GRID1: variants seen among roughly 807,000 people sequenced by gnomAD.
The protein encoded by GRID1 is glutamate ionotropic receptor delta type subunit 1.
A neutral mutation model predicts 98.0 loss-of-function variants in GRID1; 28 were observed. That is an observed-to-expected ratio of 0.29 (90% CI 0.21 to 0.39). GRID1 has a LOEUF of 0.39. Ranked by LOEUF, GRID1 falls within the 10% of genes least tolerant of loss-of-function variation. The pLI is 1.00. For missense variants in GRID1, 1,111 were observed against 1,340.5 expected (o/e 0.83, Z 2.67); for synonymous variants, 553 against 538.5 (o/e 1.03, Z -0.37).
intron 6 of GRID1, among the ~76,000 whole-genome samples, chr10:85,863,352 C>G (rs181827028): frequency 3.3e-5 from 5 of 152,266 alleles, no homozygotes; most frequent in East Asian, 1.9e-4. Flanking sequence ...AGGGCTCCCC[C>G]CCTCATCACC....
At chr10:85,686,140 A>G (rs1378978866) in intron 12 of GRID1, among the ~76,000 whole-genome samples, 1 of 152,208 alleles carries the variant, frequency 6.6e-6, no homozygotes, top group African/African-American at 2.4e-5. Flanking sequence ...GACAAGCACA[A>G]AAGTATTATA....
At chr10:85,864,007 A>G (rs190703787) in intron 6 of GRID1, among the ~76,000 whole-genome samples, 2 of 152,194 alleles carry the variant, frequency 1.3e-5, no homozygotes, top group African/African-American at 2.4e-5. Context: ...TTCATTAAGA[A>G]AGGCTGCATT....
At chr10:85,645,146 AGCTATCT>A in intron 13 of GRID1, among the ~76,000 whole-genome samples, 1 of 152,050 alleles carries the variant, frequency 6.6e-6, no homozygotes. Context: ...AGTCAAAAGT[AGCTATCT>A]TTTTTTTTTC....
At chr10:85,640,720 G>A (rs1398295376) in intron 13 of GRID1, among the ~76,000 whole-genome samples, 1 of 152,206 alleles carries the variant, frequency 6.6e-6, no homozygotes, top group African/African-American at 2.4e-5. Context: ...GAGATTGTGT[G>A]CAATGAGAGC....
chr10:85,689,563 T>C (rs1564560353), intron 12 of GRID1, among the ~76,000 whole-genome samples: 1 of 151,862 alleles, frequency 6.6e-6, no homozygotes, highest in Non-Finnish European at 1.5e-5. Context: ...GTAAATATTA[T>C]TAAACAAAGC....
intron 12 of GRID1, among the ~76,000 whole-genome samples, chr10:85,674,573 C>T (rs899169950): frequency 2.0e-5 from 3 of 152,178 alleles, no homozygotes; most frequent in African/African-American, 7.2e-5. Context: ...TAACTATCCT[C>T]ATTTGAAAGA....
At chr10:85,665,286 C>A (rs571314840) in intron 12 of GRID1, among the ~76,000 whole-genome samples, 1 of 152,104 alleles carries the variant, frequency 6.6e-6, no homozygotes, top group South Asian at 2.1e-4. Flanking sequence ...GGATGAAGGG[C>A]GTCAACCTAC....
At chr10:85,874,543 G>A (rs1045578970) in intron 5 of GRID1, among the ~76,000 whole-genome samples, 4 of 152,086 alleles carry the variant, frequency 2.6e-5, no homozygotes, top group African/African-American at 7.2e-5. Flanking sequence ...CCACTGAGTT[G>A]GTTCTCTTGC....
intron 2 of GRID1, among the ~76,000 whole-genome samples, chr10:86,244,831 G>T (rs1260675550): frequency 2.0e-5 from 3 of 152,256 alleles, no homozygotes; most frequent in African/African-American, 7.2e-5. Flanking sequence ...TGTGGGTTGA[G>T]CTAATGAGCT....
In GRID1 at chr10:86,035,833, C is replaced by G. The variant is rs373961880; in HGVS notation, c.726+102986G>C. Among the ~76,000 whole-genome samples, 17 of 152,198 alleles carry G rather than the reference C, an allele frequency of 1.1e-4. No homozygotes were observed. In the East Asian group the frequency reaches 2.1e-3, roughly 19 times the overall value. ...ATAGATATAAGGTGAGATACACAGG[C>G]CCAGTGAAAATAGCAGGTGCTTTAA... On this transcript the variant is annotated intron_variant, in intron 4 of 15. Coordinates refer to ENST00000327946, the MANE Select transcript of GRID1 (RefSeq NM_017551.3).
chr10:86,134,387 C>G (rs1166699140), intron 4 of GRID1, among the ~76,000 whole-genome samples: 7 of 152,180 alleles, frequency 4.6e-5, no homozygotes, highest in Non-Finnish European at 8.8e-5. Flanking sequence ...AGGTGGATGA[C>G]AGATGAATAG....
At chr10:85,967,321 C>T (rs1842350305) in intron 4 of GRID1, among the ~76,000 whole-genome samples, 2 of 151,624 alleles carry the variant, frequency 1.3e-5, no homozygotes, top group African/African-American at 4.9e-5. Flanking sequence ...TATATAGCAA[C>T]AGCAACACCA....
At chr10:86,227,909 G>A (rs1846380297) in intron 2 of GRID1, among the ~76,000 whole-genome samples, 1 of 152,178 alleles carries the variant, frequency 6.6e-6, no homozygotes, top group African/African-American at 2.4e-5. Flanking sequence ...AGTAAACACT[G>A]AGGAAAATGC....
chr10:85,875,432 AT>A (rs1279742681), intron 5 of GRID1, among the ~76,000 whole-genome samples: 1 of 152,078 alleles, frequency 6.6e-6, no homozygotes, highest in Non-Finnish European at 1.5e-5. Context: ...TATACTAGAT[AT>A]TTTACATCCA....
In GRID1 at chr10:85,599,978, C is replaced by G. The variant is rs556415375; in HGVS notation, c.*2295G>C. On this transcript the variant is annotated 3_prime_UTR_variant, in exon 16 of 16. Coordinates refer to ENST00000327946, the MANE Select transcript of GRID1 (RefSeq NM_017551.3). ...AGGCGCACAAACACATCCTCCATCT[C>G]CCTCTCTTTCCTCCTTGACACTCAT... 1 of 150,464 alleles carries G rather than the reference C, an allele frequency of 6.6e-6. No individual in the cohort carries two copies. The highest frequency in any genetic ancestry group is 1.5e-5 in the Non-Finnish European group (1 of 67,764). The allele number at this position is 150,464 out of a possible 1,614,324, so 9.3% of individuals were successfully genotyped here.
intron 3 of GRID1, among the ~76,000 whole-genome samples, chr10:86,170,012 G>C (rs907984559): frequency 6.6e-6 from 1 of 152,228 alleles, no homozygotes; most frequent in African/African-American, 2.4e-5. Context: ...TTCTGAATCA[G>C]CACTGCCATG....
At chr10:86,223,270 C>G (rs1243886911) in intron 2 of GRID1, among the ~76,000 whole-genome samples, 1 of 152,220 alleles carries the variant, frequency 6.6e-6, no homozygotes, top group East Asian at 1.9e-4. Context: ...GAAGATGGTG[C>G]TCCCTTTCTC....
At chr10:85,938,845 C>A (rs528374370) in intron 4 of GRID1, among the ~76,000 whole-genome samples, 7 of 152,226 alleles carry the variant, frequency 4.6e-5, no homozygotes, top group African/African-American at 1.7e-4. Context: ...CTTGATAATA[C>A]CAGCAACAAC....
intron 4 of GRID1, among the ~76,000 whole-genome samples, chr10:85,950,097 T>A (rs1842101089): frequency 6.6e-6 from 1 of 152,220 alleles, no homozygotes. Flanking sequence ...AGGAATTTTA[T>A]AAATTAATGA....
Sources: gnomAD v4.1 joint callset for allele counts (sites outside exome capture counted in the v4.1 genomes callset) on GRCh38, gnomAD v4.1.1 for gene constraint, MANE v1.5 for transcripts, NCBI Gene and HGNC (gene_info 2026-07-23, HGNC 2026-07-21) for gene names.